SLC16A7: variants seen among roughly 807,000 people sequenced by gnomAD.
SLC16A7 encodes monocarboxylate transporter 2.
In SLC16A7, 33 loss-of-function variants were observed where a neutral mutation model predicts 34.9. The observed-to-expected ratio is 0.94, with a 90% CI of 0.72 to 1.26. The LOEUF (loss-of-function observed/expected upper bound fraction) is 1.26. Among genes scored for constraint, SLC16A7 ranks in the 50% most tolerant of loss-of-function variants. The probability of loss-of-function intolerance (pLI) is 0.00; values close to 1 mark genes in which losing one functional copy is unlikely to be tolerated. For missense variants in SLC16A7, 573 were observed against 578.1 expected (o/e 0.99, Z 0.09); for synonymous variants, 201 against 206.6 (o/e 0.97, Z 0.23).
intron 1 of SLC16A7, among the ~76,000 whole-genome samples, chr12:59,627,025 G>C (rs1400137212): frequency 6.6e-6 from 1 of 151,854 alleles, no homozygotes; most frequent in Admixed American, 6.6e-5. Context: ...TTTAAATGCA[G>C]TGTGTTTAAA....
chr12:59,670,959 C>T (rs970193533), intron 2 of SLC16A7, among the ~76,000 whole-genome samples: 1 of 151,440 alleles, frequency 6.6e-6, no homozygotes, highest in African/African-American at 2.4e-5. Flanking sequence ...TCTCCTCTCT[C>T]TTCATGTCAT....
At chr12:59,600,808 C>A (rs1285605372) in intron 1 of SLC16A7, among the ~76,000 whole-genome samples, 1 of 152,104 alleles carries the variant, frequency 6.6e-6, no homozygotes, top group African/African-American at 2.4e-5. Context: ...TCACAAATAT[C>A]AGTGTTGATA....
chr12:59,745,305 A>C (rs1190868491), intron 3 of SLC16A7, among the ~76,000 whole-genome samples: 1 of 152,222 alleles, frequency 6.6e-6, no homozygotes, highest in Non-Finnish European at 1.5e-5. Context: ...CCATTCCCAT[A>C]AAGTATTAGC....
chr12:59,752,916 AC>A (rs1355171189), intron 3 of SLC16A7, among the ~76,000 whole-genome samples: 2 of 152,184 alleles, frequency 1.3e-5, no homozygotes, highest in Non-Finnish European at 2.9e-5. Flanking sequence ...CTCGGCAGAA[AC>A]TCTACAAGCC....
intron 1 of SLC16A7, among the ~76,000 whole-genome samples, chr12:59,623,562 A>C (rs1839157718): frequency 6.6e-6 from 1 of 151,712 alleles, no homozygotes; most frequent in South Asian, 2.1e-4. Flanking sequence ...GTCTTTTAAA[A>C]ATTACATGTT....
chr12:59,782,908 T>C lies in SLC16A7; in HGVS notation c.*3229T>C, dbSNP rs1011037457. The C allele has an allele frequency of 6.6e-6, 1 of 152,202 alleles. No homozygotes were observed. The highest frequency in any genetic ancestry group is 6.6e-5 in the Admixed American group (1 of 15,262). The allele number at this position is 152,202 out of a possible 1,614,324, so 9.4% of individuals were successfully genotyped here. On this transcript the variant is annotated 3_prime_UTR_variant, in exon 6 of 6. Transcript: ENST00000547379. ...TGGTGCCAAGTTTCAACCCTTTAGC[T>C]CATGGACTCATTGGCCTCAGCCTAA... is the stretch of plus-strand genomic sequence containing the variant.
At chr12:59,750,888 A>T (rs1021153239) in intron 3 of SLC16A7, among the ~76,000 whole-genome samples, 1 of 152,198 alleles carries the variant, frequency 6.6e-6, no homozygotes, top group African/African-American at 2.4e-5. Context: ...CCATAAAAAA[A>T]GGATGAGTTC....
intron 4 of SLC16A7, 113 bp from the exon 5 acceptor site, chr12:59,774,544 T>C (rs1295339961): frequency 1.1e-5 from 7 of 618,034 alleles, no homozygotes; most frequent in Middle Eastern, 4.4e-4. Context: ...CTATATGATA[T>C]TGCGTTTTTA....
intron 3 of SLC16A7, among the ~76,000 whole-genome samples, chr12:59,747,178 T>C (rs1878983962): frequency 6.6e-6 from 1 of 152,296 alleles, no homozygotes; most frequent in Non-Finnish European, 1.5e-5. Context: ...GAACTGGACA[T>C]GCATACATAT....
chr12:59,744,265 C>T (rs559235416), intron 3 of SLC16A7, among the ~76,000 whole-genome samples: 9 of 152,212 alleles, frequency 5.9e-5, no homozygotes, highest in Admixed American at 6.5e-5. Flanking sequence ...GCACCCCCAT[C>T]CCATACCCAT....
chr12:59,613,362 G>A (rs765310912), intron 1 of SLC16A7, among the ~76,000 whole-genome samples: 6 of 152,172 alleles, frequency 3.9e-5, no homozygotes, highest in Non-Finnish European at 7.3e-5. Context: ...GAGGATTATG[G>A]TAACTGCAAT....
Position 59,781,840 on chromosome 12 carries a change from A to T in SLC16A7, c.*2161A>T, listed in dbSNP as rs1020179359. On this transcript the variant is annotated 3_prime_UTR_variant, in exon 6 of 6. Transcript: ENST00000547379. The stretch of plus-strand genomic sequence containing the variant: ...GAAAAGGCACATTAAACTAATATGA[A>T]CATCAGATACCAGGGGGAAATAAAT... 6.6e-6 allele frequency: 1 copy of T among 152,206 alleles called. No homozygotes were observed. Among genetic ancestry groups the T allele is most frequent in the African/African-American group, 2.4e-5 (1 of 41,454 alleles). The allele number at this position is 152,206 out of a possible 1,614,324, so 9.4% of individuals were successfully genotyped here. A position where few individuals can be genotyped will look rare whatever the true frequency, so the allele number is the denominator to read the frequency against.
chr12:59,632,224 A>G (rs1880215201), intron 1 of SLC16A7, among the ~76,000 whole-genome samples: 1 of 151,994 alleles, frequency 6.6e-6, no homozygotes, highest in Non-Finnish European at 1.5e-5. Flanking sequence ...ATTAAACTTA[A>G]ATGCTAGAAT....
intron 1 of SLC16A7, among the ~76,000 whole-genome samples, chr12:59,637,254 C>A (rs191761676): frequency 2.6e-5 from 4 of 152,238 alleles, no homozygotes; most frequent in Admixed American, 2.6e-4. Context: ...TAAGATACCA[C>A]AAAGTGTTAT....
chr12:59,735,209 T>C (rs1877454361), intron 3 of SLC16A7, among the ~76,000 whole-genome samples: 1 of 152,212 alleles, frequency 6.6e-6, no homozygotes, highest in South Asian at 2.1e-4. Context: ...AGTTTTTATA[T>C]TGGAAGAAAA....
intron 2 of SLC16A7, among the ~76,000 whole-genome samples, chr12:59,684,340 C>T (rs1186953199): frequency 6.6e-6 from 1 of 152,176 alleles, no homozygotes; most frequent in Non-Finnish European, 1.5e-5. Context: ...ATGAGAGGGA[C>T]TCCTTTTCCT....
intron 3 of SLC16A7, among the ~76,000 whole-genome samples, chr12:59,712,428 T>A (rs1357870606): frequency 6.6e-6 from 1 of 152,242 alleles, no homozygotes; most frequent in Non-Finnish European, 1.5e-5. Context: ...TCATTCTTTT[T>A]GGGCCATCCT....
At chr12:59,612,569 C>CT (rs1289092741) in intron 1 of SLC16A7, among the ~76,000 whole-genome samples, 1 of 152,188 alleles carries the variant, frequency 6.6e-6, no homozygotes, top group Admixed American at 6.5e-5. Context: ...TTTCTACAGC[C>CT]TGCCTGAATT....
rs922344247 is a variant in SLC16A7, at chr12:59,628,690, G to A, written c.-129-26462G>A. On this transcript the variant is annotated intron_variant, in intron 1 of 5. Transcript: ENST00000547379. ...TGTGCATGTGCGTGTGTGTGTGCGC[G>A]TATTTTGTCCAGTACCTAGTTCAGG... Among the ~76,000 whole-genome samples the A allele has an allele frequency of 2.6e-5, 4 of 151,718 alleles. 1 individual carries two copies. Among genetic ancestry groups the A allele is most frequent in the East Asian group, 1.9e-4 (1 of 5,138 alleles).
Sources: allele counts gnomAD v4.1 joint callset (sites outside exome capture counted in the v4.1 genomes callset), GRCh38; gene constraint gnomAD v4.1.1; transcripts MANE v1.5; gene names NCBI Gene and HGNC (gene_info 2026-07-23, HGNC 2026-07-21).